Variants in DUOX1 observed in about 807,000 individuals in gnomAD.
The protein encoded by DUOX1 is NADPH thyroid oxidase 1.
In DUOX1, 134 loss-of-function variants were observed where a neutral mutation model predicts 181.8. That is an observed-to-expected ratio of 0.74 (90% CI 0.64 to 0.85). The LOEUF (loss-of-function observed/expected upper bound fraction) is 0.85, where lower values mean the gene tolerates loss of function less well. Ranked by LOEUF, DUOX1 falls within the 40% of genes least tolerant of loss-of-function variation. The pLI is 0.00. For synonymous variants in DUOX1, 798 were observed against 832.5 expected, an observed-to-expected ratio of 0.96 and a Z score of 0.71; for missense variants, 1,814 against 2,064.4, an observed-to-expected ratio of 0.88 and a Z score of 2.35.
In DUOX1 at chr15:45,144,099, A is replaced by G; in HGVS notation, c.2000A>G (p.Gln667Arg). The part of the protein sequence containing the change: ...RPVLVYLQPG[Q>R]IRVVDGRLTV... ...GTGCTTGTGTACCTGCAGCCCGGGC[A>G]GATCCGTGTGGTAGATGGCAGGCTC... The change falls in exon 17 of 34, where the codon CAG becomes CGG. Residue 667 changes from glutamine to arginine, a missense_variant. Around this residue, in one of 5 missense-constraint regions of DUOX1, gnomAD observed 1,064 missense variants for 1,152.9 expected, o/e 0.92. Coordinates refer to ENST00000389037, the MANE Select transcript of DUOX1 (RefSeq NM_175940.3). The G allele has an allele frequency of 6.2e-7, 1 of 1,614,078 alleles. No individual in the cohort carries two copies. Among genetic ancestry groups the G allele is most frequent in the Non-Finnish European group, 8.5e-7 (1 of 1,180,040 alleles).
intron 27 of DUOX1, 193 bp from the exon 28 acceptor site, chr15:45,155,592 ATGGTGACAAGGGCTATG>A: frequency 1.7e-6 from 1 of 582,436 alleles, no homozygotes; most frequent in Non-Finnish European, 2.8e-6. Context: ...AAAAAAAATC[ATGGTGACAAGGGCTATG>A]AAAAGTGAAC....
intron 2 of DUOX1, among the ~76,000 whole-genome samples, chr15:45,133,427 TC>T (rs1390070750): frequency 6.6e-6 from 1 of 152,150 alleles, no homozygotes; most frequent in Admixed American, 6.5e-5. Context: ...GACATGTCCT[TC>T]TCCGGTATGG....
intron 21 of DUOX1, chr15:45,150,414 C>A (rs1896768912): frequency 3.5e-6 from 2 of 564,460 alleles, no homozygotes; most frequent in African/African-American, 3.8e-5. Flanking sequence ...GCCTGCCTGG[C>A]CAACTTTCTT....
rs1896874757 is a variant in DUOX1, at chr15:45,153,493, A to AGTGT, written c.3524+14_3524+15insGTGT. On this transcript the variant is annotated intron_variant, in intron 26 of 33. Coordinates refer to ENST00000389037, the MANE Select transcript of DUOX1 (RefSeq NM_175940.3). ...CCATGATGATGGGTGAGTAAGTGCG[A>AGTGT]ATGTGTGTGTGTGTGTGTGTGTGTG... is the stretch of plus-strand genomic sequence containing the variant. 5 of 1,193,470 alleles carry AGTGT rather than the reference A, an allele frequency of 4.2e-6. 1 individual carries two copies. Among genetic ancestry groups the AGTGT allele is most frequent in the East Asian group, 4.7e-5 (2 of 42,172 alleles). The allele number at this position is 1,193,470 out of a possible 1,614,324, so 73.9% of individuals were successfully genotyped here.
In DUOX1 at chr15:45,151,256, T is replaced by C. The variant is rs1176190408; in HGVS notation, c.3014+8T>C. The C allele has an allele frequency of 6.2e-7, 1 of 1,613,164 alleles. No individual in the cohort carries two copies. Among genetic ancestry groups the C allele is most frequent in the Non-Finnish European group, 8.5e-7 (1 of 1,179,588 alleles). On this transcript the variant is annotated splice_region_variant and intron_variant, in intron 23 of 33. Transcript: ENST00000389037. Reference sequence around the variant, plus strand: ...GCGGAGGTTTGGCAAGAAGTATGTCTGCTCTTCCCCTTAAGCCCAGGCAGT... The same window carrying C: ...GCGGAGGTTTGGCAAGAAGTATGTCCGCTCTTCCCCTTAAGCCCAGGCAGT...
In DUOX1 at chr15:45,151,983, C is replaced by T. The variant is rs1896817998; in HGVS notation, c.3124C>T (p.Arg1042Trp). 1.9e-6 allele frequency: 3 copies of T among 1,613,970 alleles called. No homozygotes were observed. The highest frequency in any genetic ancestry group is 1.7e-5 in the Admixed American group (1 of 59,996). Residue 1042 changes from arginine to tryptophan, a missense_variant, in exon 24 of 34, where the codon CGG (arginine) becomes TGG (tryptophan). This residue lies in a region of DUOX1 where 1,064 missense variants were observed against 1,152.9 expected (regional missense o/e 0.92). Coordinates refer to ENST00000389037, the MANE Select transcript of DUOX1 (RefSeq NM_175940.3). Reference sequence around the variant, plus strand: ...GTTCAAGCGCTTCATTGAGAACTACCGGCGCCACATCGGCTGCGTGGCCGT... The same window carrying T: ...GTTCAAGCGCTTCATTGAGAACTACTGGCGCCACATCGGCTGCGTGGCCGT... ...QQFKRFIENY[R>W]RHIGCVAVFY...
intron 28 of DUOX1, among the ~76,000 whole-genome samples, chr15:45,157,768 G>A (rs1896999283): frequency 6.6e-6 from 1 of 150,432 alleles, no homozygotes; most frequent in Non-Finnish European, 1.5e-5. Flanking sequence ...GCAGTGAGCC[G>A]AGATCATGCC....
At chr15:45,154,136 G>A (rs1023710687) in intron 27 of DUOX1, 136 bp downstream of exon 27, 1 of 803,404 alleles carries the variant, frequency 1.2e-6, no homozygotes, top group Non-Finnish European at 2.1e-6. Flanking sequence ...CTGGCCTGAG[G>A]ACACTACTGG....
chr15:45,152,240 G>T, intron 24 of DUOX1, 46 bp from the exon 25 acceptor site: 1 of 1,563,008 alleles, frequency 6.4e-7, no homozygotes, highest in Non-Finnish European at 8.7e-7. Context: ...CCAGCTCTCT[G>T]TCCTCTGCAC....
rs76500954 is a variant in DUOX1 at position 45,154,260 on chromosome 15, A to C, written c.3574+260A>C. ...CTCTAGTAGGGTTAGGAGGAGAAATATCTCCTACTATGGACTAGTTCCAGT... is the reference window on the plus strand; with the variant it reads ...CTCTAGTAGGGTTAGGAGGAGAAATCTCTCCTACTATGGACTAGTTCCAGT... On this transcript the variant is annotated intron_variant, in intron 27 of 33. Transcript: ENST00000389037. Among the ~76,000 whole-genome samples the C allele has an allele frequency of 1.2e-4, 19 of 152,268 alleles. No individual in the cohort carries two copies. In the East Asian group the frequency reaches 3.7e-3, roughly 29 times the overall value.
At chr15:45,153,912 C>T (rs768279167) in intron 26 of DUOX1, 39 bp from the exon 27 acceptor site, 82 of 1,542,444 alleles carry the variant, frequency 5.3e-5, no homozygotes, top group Non-Finnish European at 7.1e-5. Context: ...AGAGAGAGAT[C>T]TCCTCTCAAG....
At position 45,165,262 on chromosome 15, in the gene DUOX1, G is replaced by A. The variant is rs1284198726; in HGVS notation, c.*361G>A. The A allele has an allele frequency of 1.4e-5, 3 of 218,800 alleles. No homozygotes were observed. The highest frequency in any genetic ancestry group is 2.7e-5 in the Non-Finnish European group (3 of 111,396). 13.6% of individuals were successfully genotyped at this position (218,800 alleles called of 1,614,324 possible). A position where few individuals can be genotyped will look rare whatever the true frequency, so the allele number is the denominator to read the frequency against. ...ATGTCTGTATGTGTGTTGGGGCGGT[G>A]AGTGTAAGGATGCAGTGGGAGCATG... On this transcript the variant is annotated 3_prime_UTR_variant, in exon 34 of 34. Transcript: ENST00000389037.
chr15:45,161,444 A>AGGAGGGAG lies in DUOX1; in HGVS notation c.3857-280_3857-273dup, dbSNP rs368654104. On this transcript the variant is annotated intron_variant, in intron 29 of 33. Transcript: ENST00000389037. Reference sequence around the variant, plus strand: ...AAAAAAAAAAAAAAAAAAAAAAGGAAGGAGGGAGGGAGGGAGGGAGGAAGG... The same window carrying AGGAGGGAG: ...AAAAAAAAAAAAAAAAAAAAAAGGAAGGAGGGAGGGAGGGAGGGAGGGAGGGAGGAAGG... 6.8e-3 allele frequency among the ~76,000 whole-genome samples: 521 copies of AGGAGGGAG among 76,450 alleles called. 4 individuals carry two copies. Among genetic ancestry groups the AGGAGGGAG allele is most frequent in the African/African-American group, 0.015 (417 of 27,828 alleles). 50.2% of individuals were successfully genotyped at this position (76,450 alleles called of 152,430 possible). A position where few individuals can be genotyped will look rare whatever the true frequency, so the allele number is the denominator to read the frequency against.
At position 45,153,899 on chromosome 15, in the gene DUOX1, AAGAG is replaced by A. The variant is rs1567018715; in HGVS notation, c.3525-44_3525-41del. 10 of 1,474,842 alleles carry A rather than the reference AAGAG, an allele frequency of 6.8e-6. No individual in the cohort carries two copies. The African/African-American group carries it at 1.3e-4, about 19-fold the overall frequency. The allele number at this position is 1,474,842 out of a possible 1,614,324, so 91.4% of individuals were successfully genotyped here. On this transcript the variant is annotated intron_variant, in intron 26 of 33. Transcript: ENST00000389037. ...AAGACTCTGCCTCAAAAAAAAAAAA[AAGAG>A]AGAGAGATCTCCTCTCAAGGTGTCT...
In DUOX1 at chr15:45,139,416, C is replaced by T; in HGVS notation, c.1217-11C>T. On this transcript the variant is annotated splice_polypyrimidine_tract_variant and intron_variant, in intron 11 of 33. Transcript: ENST00000389037. ...TGAGCTCCCTCAGACTGTCTGGTATCTTGTCTCCAGATTTCTGGCCTGGGC... is the reference window on the plus strand; with the variant it reads ...TGAGCTCCCTCAGACTGTCTGGTATTTTGTCTCCAGATTTCTGGCCTGGGC... 6.2e-7 allele frequency: 1 copy of T among 1,612,056 alleles called. No individual in the cohort carries two copies. The highest frequency in any genetic ancestry group is 8.5e-7 in the Non-Finnish European group (1 of 1,179,434).
At position 45,163,593 on chromosome 15, in the gene DUOX1, G is replaced by A. The variant is rs1056651251; in HGVS notation, c.4310G>A (p.Arg1437Gln). The A allele has an allele frequency of 1.9e-6, 3 of 1,614,178 alleles. No individual in the cohort carries two copies. The highest frequency in any genetic ancestry group is 1.3e-5 in the African/African-American group (1 of 75,026). The stretch of plus-strand genomic sequence containing the variant: ...TTTGAGTGGCTGGCTGACATCATCC[G>A]AGAGGTGGAGGAGAATGACCACCAG... Reference protein sequence around the residue: ...RQFEWLADIIREVEENDHQDL... With the variant: ...RQFEWLADIIQEVEENDHQDL... Residue 1437 changes from arginine to glutamine, a missense_variant, in exon 32 of 34, where the codon CGA becomes CAA. Physicochemically the swap from Arg to Gln is conservative, Grantham distance 43. This residue lies in a region of DUOX1 where 279 missense variants were observed against 381.9 expected (regional missense o/e 0.73). Transcript: ENST00000389037.
chr15:45,132,167 C>T (rs1896174952), intron 2 of DUOX1, 143 bp downstream of exon 2: 1 of 663,964 alleles, frequency 1.5e-6, no homozygotes, highest in African/African-American at 1.9e-5. Flanking sequence ...GAGAGTTGCT[C>T]ATTTCTAGCT....
chr15:45,164,913 G>C lies in DUOX1; in HGVS notation c.*12G>C. On this transcript the variant is annotated 3_prime_UTR_variant, in exon 34 of 34. Coordinates refer to ENST00000389037, the MANE Select transcript of DUOX1 (RefSeq NM_175940.3). ...ATGAGAACTTCTAGGCCCCTGCCCG[G>C]GGGTTCTGCCCACTGCCCAGTTGAG... The C allele has an allele frequency of 1.2e-5, 19 of 1,613,912 alleles. No individual in the cohort carries two copies. The highest frequency in any genetic ancestry group is 1.6e-5 in the Non-Finnish European group (19 of 1,179,848).
Position 45,162,228 on chromosome 15 carries a change from G to C in DUOX1, c.4099G>C (p.Asp1367His). 2.5e-6 allele frequency: 4 copies of C among 1,609,364 alleles called. No individual in the cohort carries two copies. Among genetic ancestry groups the C allele is most frequent in the Non-Finnish European group, 3.4e-6 (4 of 1,177,302 alleles). The change falls in exon 31 of 34, where the codon GAT becomes CAT. Residue 1367 changes from aspartate to histidine, a missense_variant. This residue lies in a region of DUOX1 where 279 missense variants were observed against 381.9 expected (regional missense o/e 0.73). Coordinates refer to ENST00000389037, the MANE Select transcript of DUOX1 (RefSeq NM_175940.3). Reference protein sequence around the residue: ...RCARYPKLYLDGPFGEGHQEW... With the variant: ...RCARYPKLYLHGPFGEGHQEW... ...ACGCCCCTCCCTACAGCTGTACCTT[G>C]ATGGACCATTTGGAGAGGGCCACCA...
Sources: gnomAD v4.1 joint callset for allele counts (sites outside exome capture counted in the v4.1 genomes callset) on GRCh38, gnomAD v4.1.1 for gene constraint, gnomAD v4.1.1 regional missense constraint, MANE v1.5 for transcripts, NCBI Gene and HGNC (gene_info 2026-07-23, HGNC 2026-07-21) for gene names.